The following DHRSX variants were observed in gnomAD, a reference collection of about 807,000 sequenced individuals.
The protein encoded by DHRSX is polyprenol dehydrogenase.
A neutral mutation model predicts 34.0 loss-of-function variants in DHRSX; 31 were observed. The observed-to-expected ratio is 0.91, with a 90% CI of 0.69 to 1.23. DHRSX has a LOEUF of 1.23. Ranked by LOEUF, DHRSX falls within the 50% of genes most tolerant of loss-of-function variation. The pLI is 0.00. For missense variants in DHRSX, 414 were observed against 428.1 expected, an observed-to-expected ratio of 0.97 and a Z score of 0.29; for synonymous variants, 201 against 183.8, an observed-to-expected ratio of 1.09 and a Z score of -0.76.
chrX:2,346,268 A>G (rs1423293636), intron 3 of DHRSX, among the ~76,000 whole-genome samples: 1 of 151,970 alleles, frequency 6.6e-6, no homozygotes, highest in Non-Finnish European at 1.5e-5. Context: ...GTTGTTATGT[A>G]CCATCTTCCC....
chrX:2,380,018 C>T (rs1409227702), intron 3 of DHRSX, among the ~76,000 whole-genome samples: 5 of 151,982 alleles, frequency 3.3e-5, no homozygotes, highest in African/African-American at 7.3e-5. Context: ...TTGCATTGGC[C>T]GGGCCCATTC....
intron 5 of DHRSX, among the ~76,000 whole-genome samples, chrX:2,263,344 T>C (rs1222206416): frequency 2.0e-5 from 3 of 152,082 alleles, no homozygotes; most frequent in Non-Finnish European, 4.4e-5. Flanking sequence ...GAGAGCTCCC[T>C]TGCCCCTTCC....
intron 3 of DHRSX, among the ~76,000 whole-genome samples, chrX:2,404,687 A>G (rs1018745765): frequency 2.6e-5 from 4 of 152,288 alleles, no homozygotes; most frequent in African/African-American, 9.6e-5. Context: ...CAATTAAACA[A>G]CTGTCTTTGT....
intron 1 of DHRSX, among the ~76,000 whole-genome samples, chrX:2,440,783 C>A (rs1347961006): frequency 1.3e-5 from 2 of 152,274 alleles, no homozygotes; most frequent in East Asian, 3.9e-4. Flanking sequence ...GGACTGGCTT[C>A]CTGGCTCCTC....
chrX:2,257,991 A>G (rs916430204), intron 5 of DHRSX, among the ~76,000 whole-genome samples: 6 of 152,176 alleles, frequency 3.9e-5, no homozygotes, highest in African/African-American at 1.4e-4. Flanking sequence ...TACTGATCCA[A>G]TAGGACTGAG....
chrX:2,291,704 T>A, intron 3 of DHRSX, 101 bp from the exon 4 acceptor site: 1 of 818,546 alleles, frequency 1.2e-6, no homozygotes, highest in Non-Finnish European at 2.0e-6. Context: ...ATCTAGGAAG[T>A]AACACTTTTT....
chrX:2,231,524 T>C (rs34250447), intron 6 of DHRSX, among the ~76,000 whole-genome samples: 50,388 of 146,068 alleles, frequency 0.34, 9,680 homozygotes, highest in East Asian at 0.74. Flanking sequence ...TTCCCCCTTA[T>C]CCTCCTCCTA....
intron 1 of DHRSX, among the ~76,000 whole-genome samples, chrX:2,482,463 G>A (rs970007286): frequency 4.6e-5 from 7 of 151,962 alleles, no homozygotes; most frequent in Admixed American, 6.6e-5. Flanking sequence ...ACAGGATCTC[G>A]CTGTTTGCCC....
intron 1 of DHRSX, among the ~76,000 whole-genome samples, chrX:2,495,828 TCACGTTTCCAATTGCACATC>T (rs1405471501): frequency 6.6e-6 from 1 of 152,010 alleles, no homozygotes; most frequent in African/African-American, 2.4e-5. Context: ...GCCGGCGATT[TCACGTTTCCAATTGCACATC>T]CATGAGAGGC....
chrX:2,495,660 C>A lies in DHRSX; in HGVS notation c.109+5157G>T, dbSNP rs145884371. On this transcript the variant is annotated intron_variant, in intron 1 of 6. Transcript: ENST00000334651. ...TCTGCAGTGAGTACCCTCCTTCCTC[C>A]TTCCTCCTCCCTTGCAGCGCTTCCG... is the stretch of plus-strand genomic sequence containing the variant. Among the ~76,000 whole-genome samples, 602 of 152,284 alleles carry A rather than the reference C, an allele frequency of 4.0e-3. 3 individuals carry two copies. Among genetic ancestry groups the A allele is most frequent in the African/African-American group, 0.014 (581 of 41,552 alleles).
At chrX:2,473,323 G>A (rs2044622648) in intron 1 of DHRSX, among the ~76,000 whole-genome samples, 2 of 152,120 alleles carry the variant, frequency 1.3e-5, no homozygotes, top group Admixed American at 6.5e-5. Context: ...AAACCAGGTG[G>A]ATCAAGAATG....
chrX:2,270,422 A>G (rs2041534046), intron 4 of DHRSX, among the ~76,000 whole-genome samples: 1 of 152,182 alleles, frequency 6.6e-6, no homozygotes, highest in Non-Finnish European at 1.5e-5. Flanking sequence ...CAGGGACTCC[A>G]GCTCCCGAAG....
intron 1 of DHRSX, among the ~76,000 whole-genome samples, chrX:2,430,927 A>G (rs1569500474): frequency 6.6e-6 from 1 of 152,098 alleles, no homozygotes; most frequent in Non-Finnish European, 1.5e-5. Context: ...CGGGAGGCTG[A>G]GTTCAGAGGA....
At chrX:2,383,663 A>G (rs1307739569) in intron 3 of DHRSX, among the ~76,000 whole-genome samples, 1 of 152,148 alleles carries the variant, frequency 6.6e-6, no homozygotes, top group Non-Finnish European at 1.5e-5. Context: ...GTGATGTTCC[A>G]TGGACCATCA....
intron 3 of DHRSX, among the ~76,000 whole-genome samples, chrX:2,355,383 A>G (rs932491801): frequency 3.9e-5 from 6 of 151,942 alleles, no homozygotes; most frequent in African/African-American, 9.7e-5. Flanking sequence ...GTTGTGGCGC[A>G]TGCCTGTAGT....
intron 3 of DHRSX, among the ~76,000 whole-genome samples, chrX:2,304,364 G>GATGGATGGATGGATAC (rs2042075822): frequency 6.6e-6 from 1 of 150,532 alleles, no homozygotes; most frequent in African/African-American, 2.5e-5. Flanking sequence ...TGGATGGATA[G>GATGGATGGATGGATAC]ATGGATGGAT....
chrX:2,247,334 A>C (rs1208692682), intron 5 of DHRSX, among the ~76,000 whole-genome samples: 1 of 151,348 alleles, frequency 6.6e-6, no homozygotes, highest in African/African-American at 2.4e-5. Context: ...GAATATTACA[A>C]TTACAGAGCA....
At chrX:2,402,518 TCTGGGGGCTCCTGAGC>T (rs2043498724) in intron 3 of DHRSX, among the ~76,000 whole-genome samples, 1 of 152,118 alleles carries the variant, frequency 6.6e-6, no homozygotes, top group Admixed American at 6.5e-5. Context: ...GGACCACGGA[TCTGGGGGCTCCTGAGC>T]CTGGAGGCAG....
intron 5 of DHRSX, among the ~76,000 whole-genome samples, chrX:2,264,210 A>C (rs1051797219): frequency 6.6e-6 from 1 of 152,194 alleles, no homozygotes; most frequent in African/African-American, 2.4e-5. Context: ...TTTCCAGAGC[A>C]CATGTGCCCA....
Sources: gnomAD v4.1 joint callset for allele counts (sites outside exome capture counted in the v4.1 genomes callset) on GRCh38, gnomAD v4.1.1 for gene constraint, MANE v1.5 for transcripts, NCBI Gene and HGNC (gene_info 2026-07-23, HGNC 2026-07-21) for gene names.